CXXC5: variants seen among roughly 807,000 people sequenced by gnomAD.
CXXC5 encodes CXXC finger protein 5.
In CXXC5, 2 loss-of-function variants were observed where a neutral mutation model predicts 17.6. The ratio of observed to expected loss-of-function variants is 0.11; its 90% CI spans 0.05 to 0.36. CXXC5 has a LOEUF of 0.36. CXXC5 is among the 10% of genes least tolerant of loss of function. The pLI is 1.00. For missense variants in CXXC5, 343 were observed against 458.3 expected, an observed-to-expected ratio of 0.75 and a Z score of 2.30; for synonymous variants, 171 against 193.0, an observed-to-expected ratio of 0.89 and a Z score of 0.94.
upstream of CXXC5, among the ~76,000 whole-genome samples, chr5:139,647,665 C>CA (rs1455376729): frequency 6.6e-6 from 1 of 152,156 alleles, no homozygotes; most frequent in East Asian, 1.9e-4. Flanking sequence ...CTCAGGGCAC[C>CA]AAATGTACGT....
chr5:139,673,181 C>T (rs1191242240), intron 1 of CXXC5, among the ~76,000 whole-genome samples: 3 of 152,162 alleles, frequency 2.0e-5, no homozygotes, highest in Non-Finnish European at 4.4e-5. Context: ...AATAATAGGA[C>T]TTCCTTCAGA....
chr5:139,680,683 C>A lies in CXXC5; in HGVS notation c.160C>A (p.Pro54Thr). ...AAPASVADDT[P>T]PPERRNKSGI... ...ACCAGCCTCAGTGGCAGATGACACA[C>A]CACCCCCCGAGCGTCGGAACAAGAG... The change falls in exon 2 of 3, where the codon CCA (proline) becomes ACA (threonine). Residue 54 changes from proline to threonine, a missense_variant. Physicochemically the swap from Pro to Thr is conservative, Grantham distance 38. Transcript: ENST00000302517. The A allele has an allele frequency of 6.2e-7, 1 of 1,613,308 alleles. No individual in the cohort carries two copies. The highest frequency in any genetic ancestry group is 8.5e-7 in the Non-Finnish European group (1 of 1,180,022).
Position 139,648,786 on chromosome 5 carries a change from C to G in CXXC5, c.-220C>G, listed in dbSNP as rs1754995690. 1 of 152,888 alleles carries G rather than the reference C, an allele frequency of 6.5e-6. No individual in the cohort carries two copies. Among genetic ancestry groups the G allele is most frequent in the East Asian group, 1.9e-4 (1 of 5,138 alleles). 9.5% of individuals were successfully genotyped at this position (152,888 alleles called of 1,614,324 possible). ...AGCGGAGCGCAGCTCCCTGCCCCGC[C>G]CCTCCCCCTCGGCCTCGCGGCGACG... On this transcript the variant is annotated 5_prime_UTR_variant, in exon 1 of 3. Transcript: ENST00000302517.
rs1756276989 is a variant in CXXC5, at chr5:139,668,746, G to C, written c.-160-11618G>C. On this transcript the variant is annotated intron_variant, in intron 1 of 2. Transcript: ENST00000302517. The surrounding 1 kb of genome is among the most constrained non-coding windows in gnomAD (Gnocchi z 4.1). ...ATATGCTTATCCCAGGCGGAGCGGA[G>C]AAGGCTGGGGGATGACTGATAGGGG... Among the ~76,000 whole-genome samples the C allele has an allele frequency of 6.6e-6, 1 of 152,200 alleles. No homozygotes were observed. The highest frequency in any genetic ancestry group is 2.4e-5 in the African/African-American group (1 of 41,450).
rs1756426263 is a variant in CXXC5 at position 139,670,882 on chromosome 5, C to T, written c.-160-9482C>T. On this transcript the variant is annotated intron_variant, in intron 1 of 2. Coordinates refer to ENST00000302517, the MANE Select transcript of CXXC5 (RefSeq NM_016463.9). This position sits in a 1 kb window ranked among gnomAD's most constrained non-coding sequence, Gnocchi z 4.2. ...GGGCACATTCACAGTCCACTGGACACACACACAGTTGTGCAGCACACCTCC... is the reference window on the plus strand; with the variant it reads ...GGGCACATTCACAGTCCACTGGACATACACACAGTTGTGCAGCACACCTCC... Among the ~76,000 whole-genome samples, 1 of 152,258 alleles carries T rather than the reference C, an allele frequency of 6.6e-6. No homozygotes were observed. The highest frequency in any genetic ancestry group is 1.5e-5 in the Non-Finnish European group (1 of 68,042).
At chr5:139,650,090 T>G (rs562173275) in intron 1 of CXXC5, among the ~76,000 whole-genome samples, 2 of 151,672 alleles carry the variant, frequency 1.3e-5, no homozygotes, top group Non-Finnish European at 2.9e-5. Context: ...TGTTCTTTTT[T>G]CCCCCCCGGG....
chr5:139,673,476 C>T (rs1193916917), intron 1 of CXXC5, among the ~76,000 whole-genome samples: 3 of 152,140 alleles, frequency 2.0e-5, no homozygotes, highest in Non-Finnish European at 2.9e-5. Flanking sequence ...ACTCCCTGCC[C>T]GGGGCCTCAG....
intron 1 of CXXC5, among the ~76,000 whole-genome samples, chr5:139,667,577 GTCT>G (rs1183628921): frequency 1.3e-5 from 2 of 152,152 alleles, no homozygotes; most frequent in Non-Finnish European, 2.9e-5. Context: ...ACCGGCTGGG[GTCT>G]TCTTTCAGGC....
At chr5:139,650,460 C>T (rs1755104274) in intron 1 of CXXC5, among the ~76,000 whole-genome samples, 1 of 152,188 alleles carries the variant, frequency 6.6e-6, no homozygotes, top group South Asian at 2.1e-4. Flanking sequence ...TGAGATCGCT[C>T]GGCCCTCGCC....
intron 1 of CXXC5, among the ~76,000 whole-genome samples, chr5:139,653,638 G>C (rs1351988770): frequency 6.6e-6 from 1 of 152,078 alleles, no homozygotes; most frequent in Non-Finnish European, 1.5e-5. Flanking sequence ...ACCTTTCCCT[G>C]TACCCATACT....
chr5:139,666,395 G>A (rs938309354), intron 1 of CXXC5, among the ~76,000 whole-genome samples: 1 of 152,134 alleles, frequency 6.6e-6, no homozygotes, highest in Non-Finnish European at 1.5e-5. Flanking sequence ...CATGCCCCAG[G>A]GGTCTCAGGG....
rs187367884 is a variant in CXXC5, at chr5:139,652,520, T to G, written c.-161+3675T>G. Among the ~76,000 whole-genome samples the G allele has an allele frequency of 1.1e-3, 160 of 152,220 alleles. 1 individual carries two copies. The highest frequency in any genetic ancestry group is 3.7e-3 in the African/African-American group (154 of 41,542). On this transcript the variant is annotated intron_variant, in intron 1 of 2. Transcript: ENST00000302517. The stretch of plus-strand genomic sequence containing the variant: ...TGAGGCTGTGTGGGCACTAGTCTGT[T>G]GTTCTGGGATGTGGGAATCTGGGTG...
chr5:139,672,985 C>T (rs1371151299), intron 1 of CXXC5, among the ~76,000 whole-genome samples: 1 of 152,122 alleles, frequency 6.6e-6, no homozygotes, highest in Admixed American at 6.5e-5. Flanking sequence ...ACTAGCCTTC[C>T]CTGGCTTGTC....
intron 1 of CXXC5, among the ~76,000 whole-genome samples, chr5:139,669,923 C>A (rs1405477329): frequency 6.6e-6 from 1 of 152,226 alleles, no homozygotes; most frequent in East Asian, 1.9e-4. Context: ...CTGGGAGGTG[C>A]TCCGAGGTCT....
At chr5:139,659,288 C>A (rs1362346636) in intron 1 of CXXC5, among the ~76,000 whole-genome samples, 1 of 152,082 alleles carries the variant, frequency 6.6e-6, no homozygotes, top group Non-Finnish European at 1.5e-5. Context: ...GCCAGTGAGG[C>A]GCGGTGTCCA....
chr5:139,654,251 C>T (rs1044238019), intron 1 of CXXC5, among the ~76,000 whole-genome samples: 5 of 152,184 alleles, frequency 3.3e-5, no homozygotes, highest in South Asian at 2.1e-4. Context: ...CCACTGCTAC[C>T]GGCTCCTCCT....
chr5:139,683,880 G>A lies in CXXC5; in HGVS notation c.*973G>A, dbSNP rs185446896. The A allele has an allele frequency of 5.2e-5, 8 of 152,558 alleles. No individual in the cohort carries two copies. The highest frequency in any genetic ancestry group is 1.7e-4 in the African/African-American group (7 of 41,560). The allele number at this position is 152,558 out of a possible 1,614,324, so 9.5% of individuals were successfully genotyped here. A position where few individuals can be genotyped will look rare whatever the true frequency, so the allele number is the denominator to read the frequency against. On this transcript the variant is annotated 3_prime_UTR_variant, in exon 3 of 3. Transcript: ENST00000302517. ...TAAAACGAATGCATGTTTGTGTCACGAAGCACCGCTGGCTTCTTGCTCTCC... is the reference window on the plus strand; with the variant it reads ...TAAAACGAATGCATGTTTGTGTCACAAAGCACCGCTGGCTTCTTGCTCTCC...
intron 1 of CXXC5, among the ~76,000 whole-genome samples, chr5:139,654,476 T>C (rs1177451630): frequency 6.6e-6 from 1 of 152,236 alleles, no homozygotes; most frequent in African/African-American, 2.4e-5. Flanking sequence ...GGTTGCATAG[T>C]GCCTGGCAGG....
chr5:139,652,318 A>T (rs1232310190), intron 1 of CXXC5, among the ~76,000 whole-genome samples: 1 of 151,954 alleles, frequency 6.6e-6, no homozygotes, highest in Non-Finnish European at 1.5e-5. Flanking sequence ...ACTGCCCAAC[A>T]AGAATATCCC....
Sources: allele counts gnomAD v4.1 joint callset (sites outside exome capture counted in the v4.1 genomes callset), GRCh38; gene constraint gnomAD v4.1.1; non-coding constraint Gnocchi (gnomAD v3.1); transcripts MANE v1.5; gene names NCBI Gene and HGNC (gene_info 2026-07-23, HGNC 2026-07-21).